AKAP1: variants seen among roughly 807,000 people sequenced by gnomAD.
AKAP1 encodes A-kinase anchor protein 1, mitochondrial.
AKAP1 carries 32 observed loss-of-function variants against 79.8 expected under a neutral mutation model. The observed-to-expected ratio is 0.40, with a 90% CI of 0.30 to 0.54. The LOEUF (loss-of-function observed/expected upper bound fraction) is 0.54, where lower values mean the gene tolerates loss of function less well. Among genes scored for constraint, AKAP1 ranks in the 20% least tolerant of loss-of-function variants. The pLI is 0.47. For synonymous variants in AKAP1, 416 were observed against 466.7 expected, an observed-to-expected ratio of 0.89 and a Z score of 1.40; for missense variants, 961 against 1,138.9, an observed-to-expected ratio of 0.84 and a Z score of 2.25.
At chr17:57,096,249 G>A (rs551959900) in intron 1 of AKAP1, 2 of 152,224 alleles carry the variant, frequency 1.3e-5, no homozygotes, top group East Asian at 1.9e-4. Context: ...GGCTTGTCTT[G>A]TCTTACCTAG....
At chr17:57,097,628 C>A (rs748534875) in intron 1 of AKAP1, among the ~76,000 whole-genome samples, 12 of 152,200 alleles carry the variant, frequency 7.9e-5, no homozygotes, top group Non-Finnish European at 1.3e-4. Flanking sequence ...CTTGGAAGAC[C>A]CCCTTCAAGG....
chr17:57,098,760 A>AT (rs1170190519), intron 1 of AKAP1, among the ~76,000 whole-genome samples: 33,448 of 122,832 alleles, frequency 0.27, 5,039 homozygotes, highest in East Asian at 0.38. Context: ...GGGCTAGCTG[A>AT]TTTTTTTTTT....
At position 57,086,802 on chromosome 17, in the gene AKAP1, T is replaced by TC. The variant is rs200771762; in HGVS notation, c.-25+1404_-25+1405insC. Among the ~76,000 whole-genome samples the TC allele has an allele frequency of 0.011, 1,739 of 151,778 alleles. 38 individuals are homozygous for TC. Among genetic ancestry groups the TC allele is most frequent in the African/African-American group, 0.039 (1,625 of 41,404 alleles). ...AGTCCTTCCCAAATTAGTACCTTTT[T>TC]TTTTTTTAACTCTTTATTTAGAAAG... On this transcript the variant is annotated intron_variant, in intron 1 of 10. Coordinates refer to ENST00000337714, the MANE Select transcript of AKAP1 (RefSeq NM_003488.4). This position sits in a 1 kb window ranked among gnomAD's most constrained non-coding sequence, Gnocchi z 5.1.
At position 57,107,017 on chromosome 17, in the gene AKAP1, A is replaced by G; in HGVS notation, c.1553A>G (p.Asp518Gly). Residue 518 changes from aspartate (D) to glycine (G), a missense_variant, in exon 2 of 11, where the codon GAC becomes GGC. By Grantham distance (94) the Asp-to-Gly change is moderately conservative. Transcript: ENST00000337714. ...SDSFSTSGLE[D>G]SCTETSSSPR... ...TCTTTCAGCACTTCAGGGCTTGAAG[A>G]CTCTTGCACAGAGACCAGCTCGAGC... is the stretch of plus-strand genomic sequence containing the variant. The G allele has an allele frequency of 1.2e-6, 2 of 1,613,258 alleles. No homozygotes were observed. Among genetic ancestry groups the G allele is most frequent in the Non-Finnish European group, 1.7e-6 (2 of 1,179,832 alleles).
chr17:57,099,472 G>A (rs965846055), intron 1 of AKAP1, among the ~76,000 whole-genome samples: 1 of 152,222 alleles, frequency 6.6e-6, no homozygotes, highest in African/African-American at 2.4e-5. Context: ...GGAGAGATGG[G>A]CACTGGGAAT....
At chr17:57,116,031 G>A in intron 6 of AKAP1, 80 bp from the exon 7 acceptor site, 1 of 1,529,296 alleles carries the variant, frequency 6.5e-7, no homozygotes, top group African/African-American at 1.4e-5. Flanking sequence ...GGTAACGCAG[G>A]GAGGTGGGTA....
chr17:57,104,531 A>G (rs1321352279), intron 1 of AKAP1, among the ~76,000 whole-genome samples: 4 of 152,242 alleles, frequency 2.6e-5, no homozygotes, highest in Non-Finnish European at 2.9e-5. Flanking sequence ...ACTGAACACC[A>G]TAGTTTAGCC....
At chr17:57,102,636 C>CTT (rs1044522567) in intron 1 of AKAP1, among the ~76,000 whole-genome samples, 1 of 148,072 alleles carries the variant, frequency 6.8e-6, no homozygotes, top group Non-Finnish European at 1.5e-5. Flanking sequence ...GGCTCTCTCT[C>CTT]TTTTTTTTTT....
rs1276832228 is a variant in AKAP1, at chr17:57,106,573, A to G, written c.1109A>G (p.Lys370Arg). 2.5e-6 allele frequency: 4 copies of G among 1,614,122 alleles called. No individual in the cohort carries two copies. In the Admixed American group the frequency reaches 6.7e-5, roughly 27 times the overall value. Residue 370 changes from lysine to arginine, a missense_variant, in exon 2 of 11, where the codon AAG (lysine) becomes AGG (arginine). Transcript: ENST00000337714. Reference sequence around the variant, plus strand: ...CAGGTGCTGGCCACCACGGTTGGCAAGGTTGCAGGTCGTGTGTGTCAGGCC... The same window carrying G: ...CAGGTGCTGGCCACCACGGTTGGCAGGGTTGCAGGTCGTGTGTGTCAGGCC... ...TEQVLATTVG[K>R]VAGRVCQASQ...
At chr17:57,110,710 T>A (rs1915187733) in intron 3 of AKAP1, among the ~76,000 whole-genome samples, 1 of 152,260 alleles carries the variant, frequency 6.6e-6, no homozygotes, top group Admixed American at 6.5e-5. Context: ...TTATGTCGCT[T>A]TAATTAATAC....
chr17:57,105,329 C>A, intron 1 of AKAP1, 112 bp from the exon 2 acceptor site: 1 of 1,021,776 alleles, frequency 9.8e-7, no homozygotes, highest in East Asian at 2.5e-5. Flanking sequence ...GCAGGGAAGG[C>A]GGAGGAGATG....
intron 2 of AKAP1, 104 bp from the exon 3 acceptor site, chr17:57,109,921 G>A (rs2144739306): frequency 1.4e-6 from 2 of 1,481,070 alleles, no homozygotes; most frequent in Admixed American, 1.9e-5. Context: ...AGGAGCGGGT[G>A]TGGGGCAGGG....
intron 2 of AKAP1, among the ~76,000 whole-genome samples, chr17:57,109,035 A>T (rs1915075949): frequency 6.6e-6 from 1 of 152,162 alleles, no homozygotes; most frequent in African/African-American, 2.4e-5. Context: ...TTTGAAGGTG[A>T]TTCTTCCTTA....
chr17:57,112,768 T>C, intron 5 of AKAP1, 150 bp downstream of exon 5: 1 of 1,194,176 alleles, frequency 8.4e-7, no homozygotes, highest in Non-Finnish European at 1.1e-6. Flanking sequence ...TCGGTTCTGC[T>C]ATGGGACTGT....
At chr17:57,105,311 C>G in intron 1 of AKAP1, 130 bp from the exon 2 acceptor site, 1 of 878,194 alleles carries the variant, frequency 1.1e-6, no homozygotes, top group Admixed American at 2.0e-5. Flanking sequence ...GTGTGCTCCT[C>G]TTGGAGGGCA....
rs56041007 is a variant in AKAP1, at chr17:57,091,636, C to T, written c.-25+6238C>T. Among the ~76,000 whole-genome samples, 1,434 of 152,106 alleles carry T rather than the reference C, an allele frequency of 9.4e-3. 14 individuals are homozygous for T. Among genetic ancestry groups the T allele is most frequent in the Middle Eastern group, 0.024 (7 of 294 alleles). On this transcript the variant is annotated intron_variant, in intron 1 of 10. Transcript: ENST00000337714. ...GGGGAGTGAGGACCCCTTGTTGCCC[C>T]AGCAGGCAATTTTTCAGGAAACCAC...
At position 57,121,041 on chromosome 17, in the gene AKAP1, C is replaced by G. The variant is rs530227417; in HGVS notation, c.*717C>G. ...ATTTTGTACAAGATACACTGGAGAACAAAGGGAACTCAAGATTCTTCCAGC... is the reference window on the plus strand; with the variant it reads ...ATTTTGTACAAGATACACTGGAGAAGAAAGGGAACTCAAGATTCTTCCAGC... On this transcript the variant is annotated 3_prime_UTR_variant, in exon 11 of 11. Coordinates refer to ENST00000337714, the MANE Select transcript of AKAP1 (RefSeq NM_003488.4). 6.5e-6 allele frequency: 1 copy of G among 152,672 alleles called. No individual in the cohort carries two copies. The highest frequency in any genetic ancestry group is 2.1e-4 in the South Asian group (1 of 4,820). 9.5% of individuals were successfully genotyped at this position (152,672 alleles called of 1,614,324 possible).
intron 1 of AKAP1, chr17:57,093,426 C>G (rs551672719): frequency 2.0e-5 from 3 of 152,292 alleles, no homozygotes; most frequent in African/African-American, 7.2e-5. Flanking sequence ...CTGATGCTGG[C>G]TAGCCCTCAA....
Position 57,086,339 on chromosome 17 carries a change from G to T in AKAP1, c.-25+941G>T. The T allele has an allele frequency of 2.3e-6, 1 of 439,986 alleles. No individual in the cohort carries two copies. Among genetic ancestry groups the T allele is most frequent in the Non-Finnish European group, 4.5e-6 (1 of 220,738 alleles). 27.3% of individuals were successfully genotyped at this position (439,986 alleles called of 1,614,324 possible). ...GCTTTCTGGCGTTCAACTCTTTTGT[G>T]CCCTAGCTGAAGGTCTTCCTGTTTC... On this transcript the variant is annotated intron_variant, in intron 1 of 10. Transcript: ENST00000337714. This position sits in a 1 kb window ranked among gnomAD's most constrained non-coding sequence, Gnocchi z 5.1.
Sources: allele counts gnomAD v4.1 joint callset (sites outside exome capture counted in the v4.1 genomes callset), GRCh38; gene constraint gnomAD v4.1.1; non-coding constraint Gnocchi (gnomAD v3.1); transcripts MANE v1.5; gene names NCBI Gene and HGNC (gene_info 2026-07-23, HGNC 2026-07-21).